The following EEF2KMT variants were observed in gnomAD, a reference collection of about 807,000 sequenced individuals.
The protein encoded by EEF2KMT is protein-lysine N-methyltransferase EEF2KMT.
In EEF2KMT, 30 loss-of-function variants were observed where a neutral mutation model predicts 35.1. The observed-to-expected ratio is 0.85, with a 90% CI of 0.64 to 1.16. The LOEUF (loss-of-function observed/expected upper bound fraction) is 1.16, where lower values mean the gene tolerates loss of function less well. Ranked by LOEUF, EEF2KMT falls within the 50% of genes most tolerant of loss-of-function variation. The probability of loss-of-function intolerance (pLI) is 0.00; values close to 1 mark genes in which losing one functional copy is unlikely to be tolerated. For synonymous variants in EEF2KMT, 190 were observed against 187.7 expected (o/e 1.01, Z -0.10); for missense variants, 499 against 438.2 (o/e 1.14, Z -1.24).
intron 1 of EEF2KMT, chr16:5,097,286 T>C: frequency 7.5e-7 from 1 of 1,333,348 alleles, no homozygotes; most frequent in Non-Finnish European, 9.8e-7. Flanking sequence ...TTACCTGCGG[T>C]CCTGACGGCG....
At chr16:5,091,716 C>G (rs1158414255) in intron 4 of EEF2KMT, 78 bp downstream of exon 4, 37 of 1,588,444 alleles carry the variant, frequency 2.3e-5, no homozygotes, top group Non-Finnish European at 3.1e-5. Flanking sequence ...AGGATTTGAA[C>G]CCACACCCAC....
rs1045658111 is a variant in EEF2KMT, at chr16:5,085,552, T to C, written c.*80A>G. 3 of 1,078,998 alleles carry C rather than the reference T, an allele frequency of 2.8e-6. No individual in the cohort carries two copies. Among genetic ancestry groups the C allele is most frequent in the Admixed American group, 1.7e-5 (1 of 59,094 alleles). The allele number at this position is 1,078,998 out of a possible 1,614,324, so 66.8% of individuals were successfully genotyped here. On this transcript the variant is annotated 3_prime_UTR_variant, in exon 8 of 8. Coordinates refer to ENST00000427587, the MANE Select transcript of EEF2KMT (RefSeq NM_201400.4). ...CCAAACATTCCAGTCCAATGAAAGT[T>C]TTATCCGCTTTCCCATATAAAAATT...
rs190970877 is a variant in EEF2KMT at position 5,093,693 on chromosome 16, C to T, written c.160-129G>A. On this transcript the variant is annotated intron_variant, in intron 2 of 7. Coordinates refer to ENST00000427587, the MANE Select transcript of EEF2KMT (RefSeq NM_201400.4). Reference sequence around the variant, plus strand: ...TCAGCAAAGATGTAGATGGACACAGCGTTTTGGCCCCATGCATCTGAAGTT... The same window carrying T: ...TCAGCAAAGATGTAGATGGACACAGTGTTTTGGCCCCATGCATCTGAAGTT... 19 of 1,510,180 alleles carry T rather than the reference C, an allele frequency of 1.3e-5. No homozygotes were observed. In the East Asian group the frequency reaches 2.7e-4, roughly 21 times the overall value. The allele number at this position is 1,510,180 out of a possible 1,614,324, so 93.5% of individuals were successfully genotyped here. A position where few individuals can be genotyped will look rare whatever the true frequency, so the allele number is the denominator to read the frequency against.
Position 5,090,069 on chromosome 16 carries a change from G to A in EEF2KMT, c.742+15C>T, listed in dbSNP as rs767558752. The A allele has an allele frequency of 7.5e-6, 12 of 1,601,614 alleles. No individual in the cohort carries two copies. Among genetic ancestry groups the A allele is most frequent in the South Asian group, 1.1e-5 (1 of 90,990 alleles). On this transcript the variant is annotated intron_variant, in intron 6 of 7. Transcript: ENST00000427587. This position sits in a 1 kb window ranked among gnomAD's most constrained non-coding sequence, Gnocchi z 4.1. ...AGGACACCACCTGCACAGGGTGCCC[G>A]GGGCTGGGCATTACCTGCTGCAATG... is the stretch of plus-strand genomic sequence containing the variant.
chr16:5,091,686 G>T lies in EEF2KMT; in HGVS notation c.342+108C>A. 7 of 1,541,748 alleles carry T rather than the reference G, an allele frequency of 4.5e-6. No individual in the cohort carries two copies. The South Asian group carries it at 8.4e-5, about 19-fold the overall frequency. ...GAAGGTTGACGGACCTCATGTCTAA[G>T]ACTGTAGAATGGGTGAGTCAGGATT... is the stretch of plus-strand genomic sequence containing the variant. On this transcript the variant is annotated intron_variant, in intron 4 of 7. Transcript: ENST00000427587.
At chr16:5,087,762 G>A (rs1957230769) in intron 7 of EEF2KMT, among the ~76,000 whole-genome samples, 1 of 134,382 alleles carries the variant, frequency 7.4e-6, no homozygotes, top group South Asian at 2.6e-4. Context: ...TGGCACCACT[G>A]CACTCCAGCC....
At chr16:5,097,132 G>A in intron 1 of EEF2KMT, 4 of 378,232 alleles carry the variant, frequency 1.1e-5, no homozygotes, top group Non-Finnish European at 1.7e-5. Flanking sequence ...GCGAGGAGAG[G>A]CCACCCCCTT....
At chr16:5,097,326 G>A (rs1446612716) in intron 1 of EEF2KMT, 43 of 1,394,960 alleles carry the variant, frequency 3.1e-5, no homozygotes, top group Non-Finnish European at 4.0e-5. Context: ...GAGGGCAGCT[G>A]TGTCCCAGTG....
intron 7 of EEF2KMT, among the ~76,000 whole-genome samples, chr16:5,087,974 C>G (rs1008363003): frequency 2.9e-5 from 4 of 137,260 alleles, no homozygotes; most frequent in African/African-American, 1.1e-4. Flanking sequence ...CAGGGTCTTG[C>G]TCTGTTGCCC....
chr16:5,086,102 A>G (rs1957154006), intron 7 of EEF2KMT, among the ~76,000 whole-genome samples: 2 of 152,188 alleles, frequency 1.3e-5, no homozygotes, highest in African/African-American at 2.4e-5. Flanking sequence ...TTGGGAGGCC[A>G]AGGCGGGCGG....
At chr16:5,097,300 A>G in intron 1 of EEF2KMT, 1 of 1,350,966 alleles carries the variant, frequency 7.4e-7, no homozygotes, top group Non-Finnish European at 9.7e-7. Context: ...GACGGCGCTG[A>G]CTTTTTAGAA....
chr16:5,097,722 G>A lies in EEF2KMT; in HGVS notation c.18C>T (p.Asn6=), dbSNP rs200859432. 1,022 of 1,569,352 alleles carry A rather than the reference G, an allele frequency of 6.5e-4. 1 individual carries two copies. The highest frequency in any genetic ancestry group is 7.8e-4 in the Non-Finnish European group (912 of 1,162,804). The change falls in exon 1 of 8, where the codon AAC becomes AAT. Residue 6 remains asparagine, a synonymous_variant. Coordinates refer to ENST00000427587, the MANE Select transcript of EEF2KMT (RefSeq NM_201400.4). ...TCTGCAGCAAGAGTTCGGTCCCCGC[G>A]TTCTCCTCGGGCGCCATGACGTGGG... is the stretch of plus-strand genomic sequence containing the variant. MAPEE[N]AGTELLLQSF... is the part of the protein sequence containing the mutation.
chr16:5,089,146 G>T lies in EEF2KMT; in HGVS notation c.853C>A (p.Arg285Ser). 3 of 1,612,618 alleles carry T rather than the reference G, an allele frequency of 1.9e-6. No homozygotes were observed. Among genetic ancestry groups the T allele is most frequent in the South Asian group, 1.1e-5 (1 of 91,024 alleles). ...APEVYVAFTV[R>S]NPETCQLFTT... Reference sequence around the variant, plus strand: ...AACAGCTGGCACGTCTCTGGGTTGCGGACGGTAAAGGCCACGTAGACCTCA... The same window carrying T: ...AACAGCTGGCACGTCTCTGGGTTGCTGACGGTAAAGGCCACGTAGACCTCA... The change falls in exon 7 of 8, where the codon CGC becomes AGC. Residue 285 changes from arginine to serine, a missense_variant. Physicochemically the swap from Arg to Ser is moderately radical, Grantham distance 110 (BLOSUM62 -1). Coordinates refer to ENST00000427587, the MANE Select transcript of EEF2KMT (RefSeq NM_201400.4).
At chr16:5,091,698 G>C in intron 4 of EEF2KMT, 96 bp downstream of exon 4, 1 of 1,562,792 alleles carries the variant, frequency 6.4e-7, no homozygotes, top group African/African-American at 1.4e-5. Flanking sequence ...CTGTAGAATG[G>C]GTGAGTCAGG....
chr16:5,089,181 T>G lies in EEF2KMT; in HGVS notation c.818A>C (p.Gln273Pro), dbSNP rs1479128624. The G allele has an allele frequency of 1.2e-6, 2 of 1,611,874 alleles. No individual in the cohort carries two copies. The highest frequency in any genetic ancestry group is 2.2e-5 in the South Asian group (2 of 91,024). ...LRRLAACREHQRAPEVYVAFT... is the reference protein window; with the variant it reads ...LRRLAACREHPRAPEVYVAFT... ...GGCCACGTAGACCTCAGGAGCCCGC[T>G]GGTGCTCCCGGCAGGCAGCCAGCCT... Residue 273 changes from glutamine to proline, a missense_variant, in exon 7 of 8, where the codon CAG becomes CCG. By Grantham distance (76) the Gln-to-Pro change is moderately conservative. Coordinates refer to ENST00000427587, the MANE Select transcript of EEF2KMT (RefSeq NM_201400.4).
chr16:5,086,334 C>CA (rs374671583), intron 7 of EEF2KMT, among the ~76,000 whole-genome samples: 29 of 128,268 alleles, frequency 2.3e-4, no homozygotes, highest in African/African-American at 7.0e-4. Flanking sequence ...GACTAAGTCT[C>CA]AAAAAAAAAA....
At chr16:5,096,683 C>T (rs1439357533) in intron 1 of EEF2KMT, among the ~76,000 whole-genome samples, 1 of 152,206 alleles carries the variant, frequency 6.6e-6, no homozygotes, top group Non-Finnish European at 1.5e-5. Flanking sequence ...TGGGTCTGAA[C>T]TCTCAACTAC....
At position 5,091,908 on chromosome 16, in the gene EEF2KMT, A is replaced by G; in HGVS notation, c.241-13T>C. On this transcript the variant is annotated splice_polypyrimidine_tract_variant and intron_variant, in intron 3 of 7. Transcript: ENST00000427587. ...GGACAGCCTCGTGCTGGGGGCAGACAGAGTGAGAGCTTGTTTGCTTTCGTT... is the reference window on the plus strand; with the variant it reads ...GGACAGCCTCGTGCTGGGGGCAGACGGAGTGAGAGCTTGTTTGCTTTCGTT... 1 of 1,611,518 alleles carries G rather than the reference A, an allele frequency of 6.2e-7. No individual in the cohort carries two copies. Among genetic ancestry groups the G allele is most frequent in the Non-Finnish European group, 8.5e-7 (1 of 1,179,554 alleles).
chr16:5,094,027 A>G (rs1185383111), intron 2 of EEF2KMT, among the ~76,000 whole-genome samples: 1 of 152,206 alleles, frequency 6.6e-6, no homozygotes, highest in African/African-American at 2.4e-5. Context: ...CAAATGCAGG[A>G]TGAGCAAGTT....
Sources: allele counts gnomAD v4.1 joint callset (sites outside exome capture counted in the v4.1 genomes callset), GRCh38; gene constraint gnomAD v4.1.1; non-coding constraint Gnocchi (gnomAD v3.1); transcripts MANE v1.5; gene names NCBI Gene and HGNC (gene_info 2026-07-23, HGNC 2026-07-21).